GALR2: variants seen among roughly 807,000 people sequenced by gnomAD.
GALR2 encodes the protein galanin receptor 2.
A neutral mutation model predicts 7.2 loss-of-function variants in GALR2; 5 were observed. That is an observed-to-expected ratio of 0.69 (90% CI 0.36 to 1.45). GALR2 has a LOEUF of 1.45. Ranked by LOEUF, GALR2 falls within the 40% of genes most tolerant of loss-of-function variation. The pLI is 0.03. For missense variants in GALR2, 561 were observed against 555.7 expected, an observed-to-expected ratio of 1.01 and a Z score of -0.10; for synonymous variants, 300 against 263.9, an observed-to-expected ratio of 1.14 and a Z score of -1.32.
In GALR2 at chr17:76,075,357, C is replaced by A; in HGVS notation, c.368+106C>A. On this transcript the variant is annotated intron_variant, in intron 1 of 1. Coordinates refer to ENST00000329003, the MANE Select transcript of GALR2 (RefSeq NM_003857.4). The surrounding 1 kb of genome is among the most constrained non-coding windows in gnomAD (Gnocchi z 5.9). ...GGGACGCGCAGAGTGGGACAGGACA[C>A]TAAGAAGGCAGTGGAAGACAAGCGG... 1 of 1,223,174 alleles carries A rather than the reference C, an allele frequency of 8.2e-7. No homozygotes were observed. Among genetic ancestry groups the A allele is most frequent in the Non-Finnish European group, 1.1e-6 (1 of 882,864 alleles). 75.8% of individuals were successfully genotyped at this position (1,223,174 alleles called of 1,614,324 possible).
At chr17:76,074,506 C>T (rs2066878042), upstream of GALR2, among the ~76,000 whole-genome samples, 1 of 152,210 alleles carries the variant, frequency 6.6e-6, no homozygotes, top group Non-Finnish European at 1.5e-5. This position sits in a 1 kb window ranked among gnomAD's most constrained non-coding sequence, Gnocchi z 6.7. Flanking sequence ...CGGGGTCGAC[C>T]CCTCCACCGC....
rs2066881935 is a variant in GALR2, at chr17:76,075,076, C to T, written c.193C>T (p.Leu65Phe). Reference sequence around the variant, plus strand: ...GGTCAGCACTACCAACCTGTTCATCCTTAACCTGGGCGTGGCCGACCTGTG... The same window carrying T: ...GGTCAGCACTACCAACCTGTTCATCTTTAACCTGGGCGTGGCCGACCTGTG... The part of the protein sequence containing the change: ...QAVSTTNLFI[L>F]NLGVADLCFI... Residue 65 changes from leucine to phenylalanine, a missense_variant, in exon 1 of 2, where the codon CTT (leucine) becomes TTT (phenylalanine). Transcript: ENST00000329003. The surrounding 1 kb of genome is among the most constrained non-coding windows in gnomAD (Gnocchi z 5.9). 1.2e-6 allele frequency: 2 copies of T among 1,612,086 alleles called. No individual in the cohort carries two copies. The highest frequency in any genetic ancestry group is 1.7e-6 in the Non-Finnish European group (2 of 1,179,990).
upstream of GALR2, chr17:76,072,602 C>G: frequency 2.7e-6 from 4 of 1,468,892 alleles, no homozygotes; most frequent in Non-Finnish European, 2.7e-6. This position sits in a 1 kb window ranked among gnomAD's most constrained non-coding sequence, Gnocchi z 4.5. Context: ...ACTCCGCCGC[C>G]GTCGGCCCTT....
In GALR2 at chr17:76,076,542, C is replaced by T. The variant is rs987961892; in HGVS notation, c.369-94C>T. 6.3e-6 allele frequency: 5 copies of T among 792,680 alleles called. No homozygotes were observed. The highest frequency in any genetic ancestry group is 9.9e-6 in the Non-Finnish European group (5 of 503,596). The allele number at this position is 792,680 out of a possible 1,614,324, so 49.1% of individuals were successfully genotyped here. A position where few individuals can be genotyped will look rare whatever the true frequency, so the allele number is the denominator to read the frequency against. On this transcript the variant is annotated intron_variant, in intron 1 of 1. Coordinates refer to ENST00000329003, the MANE Select transcript of GALR2 (RefSeq NM_003857.4). This position sits in a 1 kb window ranked among gnomAD's most constrained non-coding sequence, Gnocchi z 6.5. ...GTAACCATGCGCTAAGGACCTTCCTCGAGAGCAGCCTTGGGACCGAGGTGC... is the reference window on the plus strand; with the variant it reads ...GTAACCATGCGCTAAGGACCTTCCTTGAGAGCAGCCTTGGGACCGAGGTGC...
chr17:76,077,219 G>A lies in GALR2; in HGVS notation c.952G>A (p.Ala318Thr), dbSNP rs760968262. ...AGLLGRAPGR[A>T]SGRVCAAARG... ...CCTGCTGGGCCGTGCCCCAGGCCGA[G>A]CCTCGGGCCGTGTGTGCGCTGCCGC... Residue 318 changes from alanine to threonine, a missense_variant, in exon 2 of 2, where the codon GCC (alanine) becomes ACC (threonine). Transcript: ENST00000329003. 6.2e-7 allele frequency: 1 copy of A among 1,607,290 alleles called. No individual in the cohort carries two copies. The highest frequency in any genetic ancestry group is 1.7e-5 in the Admixed American group (1 of 59,340).
At chr17:76,072,246 G>A, upstream of GALR2, 8 of 1,595,044 alleles carry the variant, frequency 5.0e-6, no homozygotes, top group Non-Finnish European at 6.0e-6. The surrounding 1 kb of genome is among the most constrained non-coding windows in gnomAD (Gnocchi z 4.5). Context: ...CGCCTCTCCC[G>A]CCCCCAGCCC....
At chr17:76,073,884 G>A (rs529259170), upstream of GALR2, among the ~76,000 whole-genome samples, 10 of 151,982 alleles carry the variant, frequency 6.6e-5, no homozygotes, top group Admixed American at 2.6e-4. Flanking sequence ...GGTGGCTTAC[G>A]CCTGTAATCC....
chr17:76,072,053 C>T (rs2066856914), upstream of GALR2: 1 of 634,474 alleles, frequency 1.6e-6, no homozygotes, highest in South Asian at 2.0e-5. This position sits in a 1 kb window ranked among gnomAD's most constrained non-coding sequence, Gnocchi z 4.5. Flanking sequence ...TGCGGGGCAC[C>T]AGGGGAAACC....
chr17:76,072,365 G>T, upstream of GALR2: 1 of 1,612,570 alleles, frequency 6.2e-7, no homozygotes, highest in Non-Finnish European at 8.5e-7. This position sits in a 1 kb window ranked among gnomAD's most constrained non-coding sequence, Gnocchi z 4.5. Flanking sequence ...GCCGAAGGGC[G>T]TTCGTTTTCT....
chr17:76,072,329 C>T (rs918205064), upstream of GALR2: 2 of 1,612,482 alleles, frequency 1.2e-6, no homozygotes, highest in Non-Finnish European at 1.7e-6. The surrounding 1 kb of genome is among the most constrained non-coding windows in gnomAD (Gnocchi z 4.5). Flanking sequence ...AGGCTATCCC[C>T]AAATTCTTTG....
At position 76,074,788 on chromosome 17, in the gene GALR2, C is replaced by T. The variant is rs768600799; in HGVS notation, c.-96C>T. On this transcript the variant is annotated 5_prime_UTR_variant, in exon 1 of 2. Coordinates refer to ENST00000329003, the MANE Select transcript of GALR2 (RefSeq NM_003857.4). This position sits in a 1 kb window ranked among gnomAD's most constrained non-coding sequence, Gnocchi z 6.7. ...CTCCGCCTTCAGCCCGGCAGAGTCG[C>T]ACTAGGAGTTGCAGCGGCCGCAGCC... The T allele has an allele frequency of 3.8e-6, 5 of 1,305,310 alleles. No individual in the cohort carries two copies. Among genetic ancestry groups the T allele is most frequent in the Non-Finnish European group, 5.1e-6 (5 of 985,580 alleles). The allele number at this position is 1,305,310 out of a possible 1,614,324, so 80.9% of individuals were successfully genotyped here. A position where few individuals can be genotyped will look rare whatever the true frequency, so the allele number is the denominator to read the frequency against.
rs1429003490 is a variant in GALR2 at position 76,076,222 on chromosome 17, G to C, written c.369-414G>C. On this transcript the variant is annotated intron_variant, in intron 1 of 1. Coordinates refer to ENST00000329003, the MANE Select transcript of GALR2 (RefSeq NM_003857.4). The surrounding 1 kb of genome is among the most constrained non-coding windows in gnomAD (Gnocchi z 6.5). ...CATGTCTTCTCCAGGCTGTCTGCTA[G>C]AGCCTCAGGCGCCTCCGCCCTCCCT... 6.6e-6 allele frequency among the ~76,000 whole-genome samples: 1 copy of C among 152,198 alleles called. No homozygotes were observed. The highest frequency in any genetic ancestry group is 6.5e-5 in the Admixed American group (1 of 15,292).
chr17:76,074,449 G>A (rs977417786), upstream of GALR2, among the ~76,000 whole-genome samples: 6 of 152,226 alleles, frequency 3.9e-5, no homozygotes, highest in Non-Finnish European at 8.8e-5. This position sits in a 1 kb window ranked among gnomAD's most constrained non-coding sequence, Gnocchi z 6.7. Context: ...CGAGGCGCGC[G>A]GAGTGCGAGG....
chr17:76,076,646 A>T lies in GALR2; in HGVS notation c.379A>T (p.Ile127Phe), dbSNP rs770498897. 3.3e-5 allele frequency: 53 copies of T among 1,583,060 alleles called. 1 individual carries two copies. The South Asian group carries it at 5.9e-4, about 18-fold the overall frequency. ...CCGGTCTGACCGCAGGTATCTGGCC[A>T]TCCGCTACCCGCTGCACTCCCGCGA... is the stretch of plus-strand genomic sequence containing the variant. ...AAVSLDRYLA[I>F]RYPLHSRELR... Residue 127 changes from isoleucine to phenylalanine, a missense_variant, in exon 2 of 2, where the codon ATC (isoleucine) becomes TTC (phenylalanine). Transcript: ENST00000329003. The surrounding 1 kb of genome is among the most constrained non-coding windows in gnomAD (Gnocchi z 6.5).
At chr17:76,072,475 T>G, upstream of GALR2, 6 of 1,581,428 alleles carry the variant, frequency 3.8e-6, no homozygotes, top group South Asian at 3.4e-5. This position sits in a 1 kb window ranked among gnomAD's most constrained non-coding sequence, Gnocchi z 4.5. Context: ...GCCTGGGACC[T>G]GCTTCTCAGC....
Position 76,076,749 on chromosome 17 carries a change from T to C in GALR2, c.482T>C (p.Leu161Pro). ...TCGCTGCTCTTCTCCGGGCCCTACC[T>C]GAGCTACTACCGCCAGTCGCAGCTG... The part of the protein sequence containing the change: ...GLSLLFSGPY[L>P]SYYRQSQLAN... The change falls in exon 2 of 2, where the codon CTG becomes CCG. Residue 161 changes from leucine (L) to proline (P), a missense_variant. Transcript: ENST00000329003. The surrounding 1 kb of genome is among the most constrained non-coding windows in gnomAD (Gnocchi z 6.5). 1 of 1,603,366 alleles carries C rather than the reference T, an allele frequency of 6.2e-7. No homozygotes were observed.
At chr17:76,072,574 C>T (rs925446724), upstream of GALR2, 9 of 1,506,038 alleles carry the variant, frequency 6.0e-6, no homozygotes, top group Admixed American at 1.2e-4. This position sits in a 1 kb window ranked among gnomAD's most constrained non-coding sequence, Gnocchi z 4.5. Context: ...CCTGGCCGGG[C>T]TGATGGGATA....
In GALR2 at chr17:76,074,890, G is replaced by C; in HGVS notation, c.7G>C (p.Val3Leu). 1 of 1,525,516 alleles carries C rather than the reference G, an allele frequency of 6.6e-7. No individual in the cohort carries two copies. Among genetic ancestry groups the C allele is most frequent in the Non-Finnish European group, 8.8e-7 (1 of 1,142,594 alleles). 94.5% of individuals were successfully genotyped at this position (1,525,516 alleles called of 1,614,324 possible). Residue 3 changes from valine to leucine, a missense_variant, in exon 1 of 2, where the codon GTC (valine) becomes CTC (leucine). Transcript: ENST00000329003. The surrounding 1 kb of genome is among the most constrained non-coding windows in gnomAD (Gnocchi z 6.7). MN[V>L]SGCPGAGNAS... is the part of the protein sequence containing the mutation. Reference sequence around the variant, plus strand: ...CCTCGGGGTCAGCGGCACCATGAACGTCTCGGGCTGCCCAGGGGCCGGGAA... The same window carrying C: ...CCTCGGGGTCAGCGGCACCATGAACCTCTCGGGCTGCCCAGGGGCCGGGAA...
chr17:76,074,893 T>C lies in GALR2; in HGVS notation c.10T>C (p.Ser4Pro), dbSNP rs770058014. 15 of 1,527,508 alleles carry C rather than the reference T, an allele frequency of 9.8e-6. No homozygotes were observed. The East Asian group carries it at 2.9e-4, about 30-fold the overall frequency. 94.6% of individuals were successfully genotyped at this position (1,527,508 alleles called of 1,614,324 possible). A position where few individuals can be genotyped will look rare whatever the true frequency, so the allele number is the denominator to read the frequency against. The change falls in exon 1 of 2, where the codon TCG (serine) becomes CCG (proline). Residue 4 changes from serine (S) to proline (P), a missense_variant. Transcript: ENST00000329003. The surrounding 1 kb of genome is among the most constrained non-coding windows in gnomAD (Gnocchi z 6.7). MNV[S>P]GCPGAGNASQ... ...CGGGGTCAGCGGCACCATGAACGTC[T>C]CGGGCTGCCCAGGGGCCGGGAACGC...
Sources: allele counts gnomAD v4.1 joint callset (sites outside exome capture counted in the v4.1 genomes callset), GRCh38; gene constraint gnomAD v4.1.1; non-coding constraint Gnocchi (gnomAD v3.1); transcripts MANE v1.5; gene names NCBI Gene and HGNC (gene_info 2026-07-23, HGNC 2026-07-21).